Variants in TBC1D12 observed in about 807,000 individuals in gnomAD.
TBC1D12 encodes TBC1 domain family member 12, also known as TBC1 domain family, member 12.
TBC1D12 carries 56 observed loss-of-function variants against 86.7 expected under a neutral mutation model. That is an observed-to-expected ratio of 0.65 (90% CI 0.52 to 0.81). The LOEUF is 0.81. Ranked by LOEUF, TBC1D12 falls within the 30% of genes least tolerant of loss-of-function variation. The pLI is 0.00. For missense variants in TBC1D12, 1,023 were observed against 1,038.8 expected, an observed-to-expected ratio of 0.98 and a Z score of 0.21; for synonymous variants, 421 against 411.7, an observed-to-expected ratio of 1.02 and a Z score of -0.27.
chr10:94,511,592 T>C lies in TBC1D12; in HGVS notation c.1699T>C (p.Tyr567His), dbSNP rs1342594265. 6.2e-7 allele frequency: 1 copy of C among 1,610,410 alleles called. No individual in the cohort carries two copies. Among genetic ancestry groups the C allele is most frequent in the South Asian group, 1.1e-5 (1 of 90,932 alleles). The change falls in exon 9 of 13, where the codon TAT (tyrosine) becomes CAT (histidine). Residue 567 changes from tyrosine (Y) to histidine (H), a missense_variant. Tyr to His is a moderately conservative substitution (Grantham distance 83). Transcript: ENST00000225235. ...ATTTTTCTCTCCTAAGGGTGGTCCA[T>C]ATCATGATGTCTTGCATAGTATTTT... Reference protein sequence around the residue: ...SLYIFQKGGPYHDVLHSILGA... With the variant: ...SLYIFQKGGPHHDVLHSILGA...
At chr10:94,477,081 C>T (rs2056000056) in intron 3 of TBC1D12, among the ~76,000 whole-genome samples, 1 of 151,916 alleles carries the variant, frequency 6.6e-6, no homozygotes, top group Non-Finnish European at 1.5e-5. Context: ...ATATAAACAG[C>T]TGAAAAAAGT....
At chr10:94,453,052 A>T (rs1392147654) in intron 2 of TBC1D12, among the ~76,000 whole-genome samples, 3 of 152,300 alleles carry the variant, frequency 2.0e-5, no homozygotes, top group African/African-American at 7.2e-5. Flanking sequence ...ATCTCTTCAC[A>T]TGCTTACTTG....
chr10:94,444,424 C>T (rs1215016810), intron 2 of TBC1D12, among the ~76,000 whole-genome samples: 1 of 150,910 alleles, frequency 6.6e-6, no homozygotes, highest in East Asian at 1.9e-4. Context: ...GTTTTAGCTC[C>T]TTTTTTTTTC....
chr10:94,530,546 CT>C (rs1420187376), intron 11 of TBC1D12, among the ~76,000 whole-genome samples: 4 of 152,108 alleles, frequency 2.6e-5, no homozygotes, highest in African/African-American at 9.7e-5. Context: ...GATGTAAACA[CT>C]TTTACGTTTA....
At chr10:94,437,002 G>A (rs563892136) in intron 1 of TBC1D12, among the ~76,000 whole-genome samples, 24 of 151,932 alleles carry the variant, frequency 1.6e-4, no homozygotes, top group Admixed American at 1.2e-3. Context: ...CATCATGCCC[G>A]GCCTCTCCTT....
chr10:94,409,385 T>TG (rs1265985644), intron 1 of TBC1D12, among the ~76,000 whole-genome samples: 3 of 150,524 alleles, frequency 2.0e-5, no homozygotes, highest in Admixed American at 1.3e-4. Context: ...TTTTTTTTTT[T>TG]TTTTTTTTTG....
At chr10:94,413,284 A>G (rs2054951494) in intron 1 of TBC1D12, among the ~76,000 whole-genome samples, 1 of 152,194 alleles carries the variant, frequency 6.6e-6, no homozygotes, top group African/African-American at 2.4e-5. Context: ...TATTAATGGG[A>G]AAAATCTTTT....
chr10:94,442,097 TTTA>T (rs2055392159), intron 2 of TBC1D12, 78 bp downstream of exon 2: 111 of 1,048,914 alleles, frequency 1.1e-4, no homozygotes, highest in Non-Finnish European at 1.4e-4. Context: ...TTTTTTTTTT[TTTA>T]AACTAACCAT....
chr10:94,465,089 G>A (rs1048625105), intron 2 of TBC1D12, among the ~76,000 whole-genome samples: 1 of 152,274 alleles, frequency 6.6e-6, no homozygotes, highest in East Asian at 1.9e-4. Context: ...TCAAGTGGTT[G>A]TTTCTTAAAG....
intron 1 of TBC1D12, among the ~76,000 whole-genome samples, chr10:94,423,044 G>C (rs1047372871): frequency 1.3e-5 from 2 of 152,188 alleles, no homozygotes; most frequent in Non-Finnish European, 2.9e-5. Flanking sequence ...ATGCTGCAGT[G>C]AGCCATGATC....
intron 2 of TBC1D12, among the ~76,000 whole-genome samples, chr10:94,473,082 C>A (rs1027924597): frequency 6.6e-6 from 1 of 151,944 alleles, no homozygotes; most frequent in South Asian, 2.1e-4. Context: ...AGGCCGGGCA[C>A]GGTGGCTCAC....
intron 11 of TBC1D12, among the ~76,000 whole-genome samples, chr10:94,528,244 C>T (rs1440309239): frequency 2.0e-5 from 3 of 152,068 alleles, no homozygotes; most frequent in Non-Finnish European, 4.4e-5. Context: ...GTATCCTCTT[C>T]AGTTTCTTTC....
rs1387649443 is a variant in TBC1D12, at chr10:94,447,542, AACTG to A, written c.1095+5529_1095+5532del. 62 of 903,806 alleles carry A rather than the reference AACTG, an allele frequency of 6.9e-5. No individual in the cohort carries two copies. The African/African-American group carries it at 1.1e-3, about 16-fold the overall frequency. 56.0% of individuals were successfully genotyped at this position (903,806 alleles called of 1,614,324 possible). On this transcript the variant is annotated intron_variant, in intron 2 of 12. Coordinates refer to ENST00000225235, the MANE Select transcript of TBC1D12 (RefSeq NM_015188.2). ...ACGTTTTAGGATTATAGCAAAATCAAACTGACTGAAGTTAACTTGATAATCAATT... is the reference window on the plus strand; with the variant it reads ...ACGTTTTAGGATTATAGCAAAATCAAACTGAAGTTAACTTGATAATCAATT...
intron 2 of TBC1D12, among the ~76,000 whole-genome samples, chr10:94,448,863 T>A (rs12268591): frequency 0.011 from 1,653 of 152,356 alleles, 28 homozygotes; most frequent in African/African-American, 0.038. Flanking sequence ...GAAAAGGTAG[T>A]GAATAACTAC....
chr10:94,421,872 G>T (rs2055078627), intron 1 of TBC1D12, among the ~76,000 whole-genome samples: 1 of 152,118 alleles, frequency 6.6e-6, no homozygotes, highest in South Asian at 2.1e-4. Flanking sequence ...TATTAATTGG[G>T]CTGTGTGTGT....
At chr10:94,531,759 T>TTTATTTTATTTTATTTTATG (rs1842429810) in intron 12 of TBC1D12, among the ~76,000 whole-genome samples, 1 of 66,560 alleles carries the variant, frequency 1.5e-5, no homozygotes, top group Non-Finnish European at 3.7e-5. Flanking sequence ...GTTATTTTAT[T>TTTATTTTATTTTATTTTATG]TTATTTTATT....
At position 94,507,302 on chromosome 10, in the gene TBC1D12, C is replaced by T. The variant is rs753839705; in HGVS notation, c.1555C>T (p.Arg519Trp). The stretch of plus-strand genomic sequence containing the variant: ...AATCTTCCTCTCAAGAGCAAAAGAA[C>T]GGTGGAAAAGTTTCAGTGAAACAAG... ...YEIFLSRAKERWKSFSETSSE... is the reference protein window; with the variant it reads ...YEIFLSRAKEWWKSFSETSSE... Residue 519 changes from arginine to tryptophan, a missense_variant, in exon 7 of 13, where the codon CGG becomes TGG. Around this residue, in one of 2 missense-constraint regions of TBC1D12, gnomAD observed 395 missense variants for 507.7 expected, o/e 0.78. Coordinates refer to ENST00000225235, the MANE Select transcript of TBC1D12 (RefSeq NM_015188.2). The T allele has an allele frequency of 7.5e-6, 12 of 1,609,812 alleles. No individual in the cohort carries two copies. The highest frequency in any genetic ancestry group is 4.5e-5 in the South Asian group (4 of 89,652).
At chr10:94,460,923 A>G (rs1301887020) in intron 2 of TBC1D12, among the ~76,000 whole-genome samples, 1 of 151,786 alleles carries the variant, frequency 6.6e-6, no homozygotes, top group Non-Finnish European at 1.5e-5. Flanking sequence ...AATCTTTAGT[A>G]TTTCTTTTTG....
chr10:94,411,816 G>A (rs2054931683), intron 1 of TBC1D12, among the ~76,000 whole-genome samples: 1 of 152,098 alleles, frequency 6.6e-6, no homozygotes, highest in Non-Finnish European at 1.5e-5. Context: ...AAACTAGCTG[G>A]GCATGGTTGT....
Sources: gnomAD v4.1 joint callset for allele counts (sites outside exome capture counted in the v4.1 genomes callset) on GRCh38, gnomAD v4.1.1 for gene constraint, gnomAD v4.1.1 regional missense constraint, MANE v1.5 for transcripts, NCBI Gene and HGNC (gene_info 2026-07-23, HGNC 2026-07-21) for gene names.